Variants in ADAMTS3 observed in about 807,000 individuals in gnomAD.
ADAMTS3 encodes ADAM metallopeptidase with thrombospondin type 1 motif 3.
In ADAMTS3, 73 loss-of-function variants were observed where a neutral mutation model predicts 129.0. The ratio of observed to expected loss-of-function variants is 0.57; its 90% CI spans 0.47 to 0.69. The LOEUF is 0.69. ADAMTS3 is among the 30% of genes least tolerant of loss of function. The pLI is 0.00. For synonymous variants in ADAMTS3, 477 were observed against 510.8 expected, an observed-to-expected ratio of 0.93 and a Z score of 0.89; for missense variants, 1,457 against 1,514.5, an observed-to-expected ratio of 0.96 and a Z score of 0.63.
chr4:72,380,526 G>T (rs1376157789), intron 4 of ADAMTS3, among the ~76,000 whole-genome samples: 1 of 152,168 alleles, frequency 6.6e-6, no homozygotes, highest in African/African-American at 2.4e-5. Flanking sequence ...GATCAAACAA[G>T]CATAGCCTAT....
intron 3 of ADAMTS3, among the ~76,000 whole-genome samples, chr4:72,516,874 T>C (rs1282639313): frequency 6.6e-6 from 1 of 152,078 alleles, no homozygotes; most frequent in Non-Finnish European, 1.5e-5. Context: ...CAACACTCTG[T>C]TGAATAGGAG....
intron 10 of ADAMTS3, among the ~76,000 whole-genome samples, chr4:72,317,930 G>A (rs1193677983): frequency 1.3e-5 from 2 of 152,036 alleles, no homozygotes; most frequent in Non-Finnish European, 2.9e-5. Flanking sequence ...TCGGGAGGCT[G>A]AGGCGGGAGA....
intron 3 of ADAMTS3, among the ~76,000 whole-genome samples, chr4:72,531,685 G>A (rs1402410754): frequency 2.0e-5 from 3 of 152,150 alleles, no homozygotes; most frequent in African/African-American, 7.2e-5. Context: ...AGTTCATGGA[G>A]GCAAAATGGC....
In ADAMTS3 at chr4:72,519,373, G is replaced by C. The variant is rs1316507381; in HGVS notation, c.504+29105C>G. Among the ~76,000 whole-genome samples, 3 of 152,134 alleles carry C rather than the reference G, an allele frequency of 2.0e-5. No homozygotes were observed. The South Asian group carries it at 6.2e-4, about 32-fold the overall frequency. On this transcript the variant is annotated intron_variant, in intron 3 of 21. Coordinates refer to ENST00000286657, the MANE Select transcript of ADAMTS3 (RefSeq NM_014243.3). ...GGTGTTCTCTGTATTTCCTGAATCT[G>C]AATGTTGGCCTGCCTTGCTGGATTG...
intron 4 of ADAMTS3, among the ~76,000 whole-genome samples, chr4:72,404,586 A>G (rs1402688026): frequency 6.6e-6 from 1 of 151,966 alleles, no homozygotes; most frequent in Non-Finnish European, 1.5e-5. Context: ...CGTGATATTG[A>G]TCTTCACAAC....
At chr4:72,294,845 A>G (rs1718765975) in intron 19 of ADAMTS3, among the ~76,000 whole-genome samples, 1 of 152,090 alleles carries the variant, frequency 6.6e-6, no homozygotes, top group South Asian at 2.1e-4. Flanking sequence ...TTGGAGTAAC[A>G]GTAAATCCCA....
intron 3 of ADAMTS3, among the ~76,000 whole-genome samples, chr4:72,482,714 T>G (rs924810815): frequency 1.3e-5 from 2 of 152,120 alleles, no homozygotes. Context: ...AATCTATAAC[T>G]ATCTCAAAAA....
chr4:72,544,711 T>C (rs1191666133), intron 3 of ADAMTS3, among the ~76,000 whole-genome samples: 1 of 152,218 alleles, frequency 6.6e-6, no homozygotes, highest in Non-Finnish European at 1.5e-5. Context: ...AGCATTTCTT[T>C]ATTATCTTCA....
chr4:72,358,878 G>C (rs1720648540), intron 4 of ADAMTS3, among the ~76,000 whole-genome samples: 1 of 151,922 alleles, frequency 6.6e-6, no homozygotes, highest in Non-Finnish European at 1.5e-5. Context: ...CAATTTTAAA[G>C]ACTAATGTGC....
chr4:72,481,519 A>C (rs1719435675), intron 3 of ADAMTS3, among the ~76,000 whole-genome samples: 1 of 152,160 alleles, frequency 6.6e-6, no homozygotes, highest in South Asian at 2.1e-4. Context: ...CTTGGACCTA[A>C]ATTTTATATC....
In ADAMTS3 at chr4:72,568,601, G is replaced by A. The variant is rs550201327; in HGVS notation, c.69+93C>T. 6.9e-5 allele frequency: 65 copies of A among 941,108 alleles called. No homozygotes were observed. In the Admixed American group the frequency reaches 9.1e-4, roughly 13 times the overall value. 58.3% of individuals were successfully genotyped at this position (941,108 alleles called of 1,614,324 possible). ...AAGATAACAGGGAAGGGTGGGAGGA[G>A]AAGGAGGAAAGAGAGGAGGGTAGAG... On this transcript the variant is annotated intron_variant, in intron 1 of 21. Coordinates refer to ENST00000286657, the MANE Select transcript of ADAMTS3 (RefSeq NM_014243.3).
chr4:72,391,697 C>A (rs1721600140), intron 4 of ADAMTS3, among the ~76,000 whole-genome samples: 2 of 152,050 alleles, frequency 1.3e-5, no homozygotes, highest in Non-Finnish European at 2.9e-5. Flanking sequence ...TTAAAACCTT[C>A]CTGAAAGGAA....
At chr4:72,525,063 A>G (rs149641786) in intron 3 of ADAMTS3, among the ~76,000 whole-genome samples, 2,930 of 152,318 alleles carry the variant, frequency 0.019, 36 homozygotes, top group Non-Finnish European at 0.03. Context: ...CTATAAAGCT[A>G]TAAGTATGAT....
At chr4:72,455,704 T>C (rs1279270565) in intron 3 of ADAMTS3, among the ~76,000 whole-genome samples, 1 of 147,724 alleles carries the variant, frequency 6.8e-6, no homozygotes, top group Non-Finnish European at 1.5e-5. Context: ...TTGATGTTAG[T>C]GATATCTGTC....
At chr4:72,509,523 G>A (rs912515652) in intron 3 of ADAMTS3, among the ~76,000 whole-genome samples, 1 of 151,792 alleles carries the variant, frequency 6.6e-6, no homozygotes, top group Non-Finnish European at 1.5e-5. Flanking sequence ...CTAGAAAAAT[G>A]GGCAAATTCC....
At chr4:72,359,838 T>C (rs1160271430) in intron 4 of ADAMTS3, among the ~76,000 whole-genome samples, 2 of 152,098 alleles carry the variant, frequency 1.3e-5, no homozygotes, top group Non-Finnish European at 2.9e-5. Context: ...TTAAATAAAC[T>C]AATATTTTAT....
intron 17 of ADAMTS3, among the ~76,000 whole-genome samples, chr4:72,299,448 G>A (rs569853472): frequency 2.0e-5 from 3 of 152,218 alleles, no homozygotes; most frequent in African/African-American, 4.8e-5. Context: ...TAAGTGTGTG[G>A]TAACTCTTCA....
intron 3 of ADAMTS3, among the ~76,000 whole-genome samples, chr4:72,488,844 T>A (rs944437756): frequency 1.3e-5 from 2 of 151,852 alleles, no homozygotes; most frequent in Non-Finnish European, 1.5e-5. Flanking sequence ...TATAATAAAA[T>A]ACAACAACTA....
At chr4:72,505,123 C>G (rs193005970) in intron 3 of ADAMTS3, among the ~76,000 whole-genome samples, 2 of 152,274 alleles carry the variant, frequency 1.3e-5, no homozygotes, top group East Asian at 1.9e-4. Context: ...GGTGGTGTCA[C>G]TACATTCGGA....
Sources: allele counts gnomAD v4.1 joint callset (sites outside exome capture counted in the v4.1 genomes callset), GRCh38; gene constraint gnomAD v4.1.1; transcripts MANE v1.5; gene names NCBI Gene and HGNC (gene_info 2026-07-23, HGNC 2026-07-21).